ULK4: variants seen among roughly 807,000 people sequenced by gnomAD.
ULK4 encodes inactive serine/threonine-protein kinase ULK4.
Under a neutral mutation model 160.6 loss-of-function variants are expected in ULK4, and 133 were observed. That is an observed-to-expected ratio of 0.83 (90% CI 0.72 to 0.96). The LOEUF (loss-of-function observed/expected upper bound fraction) is 0.96. Ranked by LOEUF, ULK4 falls within the 40% of genes least tolerant of loss-of-function variation. The probability of loss-of-function intolerance (pLI) is 0.00; values close to 1 mark genes in which losing one functional copy is unlikely to be tolerated. For synonymous variants in ULK4, 534 were observed against 539.8 expected, an observed-to-expected ratio of 0.99 and a Z score of 0.15; for missense variants, 1,580 against 1,499.5, an observed-to-expected ratio of 1.05 and a Z score of -0.89.
intron 32 of ULK4, among the ~76,000 whole-genome samples, chr3:41,553,705 T>C (rs1411494189): frequency 1.3e-5 from 2 of 152,074 alleles, no homozygotes; most frequent in Admixed American, 6.6e-5. Flanking sequence ...TGTGAATACA[T>C]AGTAGGTATA....
chr3:41,600,488 AAG>A lies in ULK4; in HGVS notation c.3120+15179_3120+15180del, dbSNP rs146535200. 5.1e-4 allele frequency among the ~76,000 whole-genome samples: 78 copies of A among 152,290 alleles called. 2 individuals are homozygous for A. The East Asian group carries it at 0.014, about 28-fold the overall frequency. ...GTTCACTCTGACAGGAGGGCAGAAA[AAG>A]AGTTTTCCAAGCAAAGAAAGGACAG... On this transcript the variant is annotated intron_variant, in intron 31 of 36. Transcript: ENST00000301831.
At chr3:41,936,822 T>C (rs1377343882) in intron 3 of ULK4, among the ~76,000 whole-genome samples, 1 of 152,056 alleles carries the variant, frequency 6.6e-6, no homozygotes, top group Non-Finnish European at 1.5e-5. Flanking sequence ...TACAAATAAA[T>C]AGTAAGAATG....
chr3:41,486,750 C>A (rs1462523244), intron 32 of ULK4, among the ~76,000 whole-genome samples: 2 of 152,122 alleles, frequency 1.3e-5, no homozygotes, highest in African/African-American at 4.8e-5. Context: ...GTGGTTTGGC[C>A]TTCTGGACTA....
At chr3:41,298,122 G>A (rs1302796921) in intron 35 of ULK4, among the ~76,000 whole-genome samples, 5 of 152,174 alleles carry the variant, frequency 3.3e-5, no homozygotes, top group Non-Finnish European at 7.4e-5. Flanking sequence ...ACCATATACA[G>A]AAAATAATAT....
intron 18 of ULK4, among the ~76,000 whole-genome samples, chr3:41,829,067 T>C (rs1485524706): frequency 1.3e-4 from 20 of 150,498 alleles, no homozygotes; most frequent in Non-Finnish European, 2.2e-4. Flanking sequence ...ATTTAATAAA[T>C]GGTGCTGGGA....
At chr3:41,810,897 T>C (rs2040801883) in intron 19 of ULK4, among the ~76,000 whole-genome samples, 1 of 152,194 alleles carries the variant, frequency 6.6e-6, no homozygotes, top group Non-Finnish European at 1.5e-5. Flanking sequence ...TTTTATTTTA[T>C]GTATTTGAGA....
At chr3:41,880,369 T>C (rs1439798000) in intron 17 of ULK4, among the ~76,000 whole-genome samples, 1 of 152,154 alleles carries the variant, frequency 6.6e-6, no homozygotes, top group Non-Finnish European at 1.5e-5. Context: ...ATAAAGGAGA[T>C]CATGACCAGT....
chr3:41,658,436 A>G (rs1355722982), intron 30 of ULK4, among the ~76,000 whole-genome samples: 1 of 152,222 alleles, frequency 6.6e-6, no homozygotes, highest in Non-Finnish European at 1.5e-5. Flanking sequence ...ATATCTTTTG[A>G]TAAGCAATTC....
At chr3:41,759,571 T>C (rs1264900978) in intron 21 of ULK4, among the ~76,000 whole-genome samples, 1 of 152,192 alleles carries the variant, frequency 6.6e-6, no homozygotes, top group Non-Finnish European at 1.5e-5. Context: ...AATTGACCTA[T>C]AGACTTAATG....
chr3:41,466,669 G>A (rs2083843702), intron 32 of ULK4, among the ~76,000 whole-genome samples: 1 of 152,000 alleles, frequency 6.6e-6, no homozygotes, highest in East Asian at 1.9e-4. Flanking sequence ...TCATTAAAAA[G>A]TAAAGCTTTT....
rs1244212815 is a variant in ULK4 at position 41,879,915 on chromosome 3, G to A, written c.1656+3959C>T. 3.9e-5 allele frequency among the ~76,000 whole-genome samples: 6 copies of A among 152,244 alleles called. No individual in the cohort carries two copies. In the South Asian group the frequency reaches 6.2e-4, roughly 16 times the overall value. On this transcript the variant is annotated intron_variant, in intron 17 of 36. Transcript: ENST00000301831. Reference sequence around the variant, plus strand: ...ATGGATTATTTGAGGTCAAGAGTTCGTGATCAGCCTGGCCAACATGGTGAA... The same window carrying A: ...ATGGATTATTTGAGGTCAAGAGTTCATGATCAGCCTGGCCAACATGGTGAA...
At chr3:41,790,158 T>C (rs1025707215) in intron 20 of ULK4, among the ~76,000 whole-genome samples, 2 of 152,178 alleles carry the variant, frequency 1.3e-5, no homozygotes, top group East Asian at 1.9e-4. Flanking sequence ...CTGCAGACAA[T>C]GAACTAAGTG....
intron 31 of ULK4, among the ~76,000 whole-genome samples, chr3:41,571,910 T>C (rs886752519): frequency 3.3e-5 from 5 of 152,088 alleles, no homozygotes; most frequent in African/African-American, 1.2e-4. Context: ...AACAAGGCCT[T>C]TGGGACAGGG....
chr3:41,714,564 C>A (rs2037200630), intron 25 of ULK4, among the ~76,000 whole-genome samples: 2 of 152,066 alleles, frequency 1.3e-5, no homozygotes, highest in Admixed American at 1.3e-4. Context: ...TATACTGTAA[C>A]TACTACTAGC....
At position 41,599,191 on chromosome 3, in the gene ULK4, A is replaced by C. The variant is rs547809539; in HGVS notation, c.3120+16478T>G. Among the ~76,000 whole-genome samples the C allele has an allele frequency of 9.1e-4, 139 of 152,270 alleles. 1 individual carries two copies. Among genetic ancestry groups the C allele is most frequent in the African/African-American group, 3.2e-3 (135 of 41,550 alleles). ...CTAATGTTTAGGTCAGCTGATTAGG[A>C]TGAGGATAATTAATATTTAGGTCAG... On this transcript the variant is annotated intron_variant, in intron 31 of 36. Coordinates refer to ENST00000301831, the MANE Select transcript of ULK4 (RefSeq NM_017886.4).
intron 5 of ULK4, among the ~76,000 whole-genome samples, chr3:41,920,163 C>T (rs557916581): frequency 2.0e-5 from 3 of 152,174 alleles, no homozygotes; most frequent in Non-Finnish European, 4.4e-5. Context: ...TATCACTAAA[C>T]ATGTCCACAA....
chr3:41,394,258 ACAG>A (rs545322463), intron 35 of ULK4, among the ~76,000 whole-genome samples: 363 of 152,284 alleles, frequency 2.4e-3, no homozygotes, highest in African/African-American at 8.5e-3. Flanking sequence ...TTAAAAACAG[ACAG>A]CAGAAGGACA....
rs573553739 is a variant in ULK4 at position 41,711,187 on chromosome 3, T to C, written c.2634+4050A>G. 4.1e-4 allele frequency among the ~76,000 whole-genome samples: 63 copies of C among 152,298 alleles called. 1 individual carries two copies. In the South Asian group the frequency reaches 0.01, roughly 25 times the overall value. On this transcript the variant is annotated intron_variant, in intron 25 of 36. Coordinates refer to ENST00000301831, the MANE Select transcript of ULK4 (RefSeq NM_017886.4). Reference sequence around the variant, plus strand: ...AAGGAGAGGCTCTTGGTGAGCCAAGTGCTAAAGGAATGCTGAGGAACAAAG... The same window carrying C: ...AAGGAGAGGCTCTTGGTGAGCCAAGCGCTAAAGGAATGCTGAGGAACAAAG...
chr3:41,630,950 A>T (rs891956329), intron 30 of ULK4, among the ~76,000 whole-genome samples: 1 of 152,194 alleles, frequency 6.6e-6, no homozygotes, highest in Non-Finnish European at 1.5e-5. Flanking sequence ...TTGTTTACAT[A>T]ATTTACCAGT....
Sources: allele counts gnomAD v4.1 joint callset (sites outside exome capture counted in the v4.1 genomes callset), GRCh38; gene constraint gnomAD v4.1.1; transcripts MANE v1.5; gene names NCBI Gene and HGNC (gene_info 2026-07-23, HGNC 2026-07-21).